PI15: variants seen among roughly 807,000 people sequenced by gnomAD.
The protein encoded by PI15 is 25 kDa trypsin inhibitor.
Under a neutral mutation model 31.0 loss-of-function variants are expected in PI15, and 18 were observed. That is an observed-to-expected ratio of 0.58 (90% CI 0.40 to 0.86). The LOEUF is 0.86. Ranked by LOEUF, PI15 falls within the 40% of genes least tolerant of loss-of-function variation. The pLI, the probability that PI15 is intolerant of heterozygous loss-of-function variation, is 0.00. For synonymous variants in PI15, 118 were observed against 119.1 expected, an observed-to-expected ratio of 0.99 and a Z score of 0.06; for missense variants, 282 against 328.1, an observed-to-expected ratio of 0.86 and a Z score of 1.09.
chr8:74,846,790 C>T (rs183614816), intron 5 of PI15, among the ~76,000 whole-genome samples: 11 of 147,282 alleles, frequency 7.5e-5, no homozygotes, highest in Middle Eastern at 3.5e-3. Context: ...AAAAGAGAGA[C>T]GGAGAGAGAG....
intron 2 of PI15, among the ~76,000 whole-genome samples, chr8:74,842,247 A>G (rs1209057760): frequency 6.6e-6 from 1 of 152,138 alleles, no homozygotes; most frequent in African/African-American, 2.4e-5. Context: ...GACAAAAAAG[A>G]TCAATAGGAC....
chr8:74,852,343 G>A lies in PI15; in HGVS notation c.*3090G>A, dbSNP rs1218574627. On this transcript the variant is annotated 3_prime_UTR_variant, in exon 6 of 6. Coordinates refer to ENST00000260113, the MANE Select transcript of PI15 (RefSeq NM_015886.5). ...TTATAATTTTAGAATTAAACTGATGGATTTCATTATAGAATTATCTGTGAG... is the reference window on the plus strand; with the variant it reads ...TTATAATTTTAGAATTAAACTGATGAATTTCATTATAGAATTATCTGTGAG... The A allele has an allele frequency of 6.6e-6, 1 of 151,944 alleles. No individual in the cohort carries two copies. The highest frequency in any genetic ancestry group is 1.5e-5 in the Non-Finnish European group (1 of 67,934). 9.4% of individuals were successfully genotyped at this position (151,944 alleles called of 1,614,324 possible). A position where few individuals can be genotyped will look rare whatever the true frequency, so the allele number is the denominator to read the frequency against.
chr8:74,825,036 A>G (rs769697172), intron 1 of PI15, 174 bp from the exon 2 acceptor site: 31 of 618,104 alleles, frequency 5.0e-5, no homozygotes, highest in Non-Finnish European at 7.8e-5. Context: ...TCATGACACT[A>G]AAAAATGAAT....
At chr8:74,844,484 C>T (rs919407432) in intron 3 of PI15, among the ~76,000 whole-genome samples, 1 of 149,298 alleles carries the variant, frequency 6.7e-6, no homozygotes, top group Non-Finnish European at 1.5e-5. Flanking sequence ...CATATGAGTG[C>T]AACTTTCCCA....
intron 2 of PI15, among the ~76,000 whole-genome samples, chr8:74,841,308 G>A (rs983683970): frequency 1.4e-4 from 21 of 152,134 alleles, no homozygotes; most frequent in African/African-American, 5.1e-4. Flanking sequence ...GGTCTTCCTT[G>A]CTCTGATGCT....
chr8:74,845,304 A>C lies in PI15; in HGVS notation c.525+44A>C, dbSNP rs1216287460. The C allele has an allele frequency of 1.9e-6, 3 of 1,595,862 alleles. No individual in the cohort carries two copies. In the African/African-American group the frequency reaches 4.0e-5, roughly 21 times the overall value. ...TTAATTTTTGATTCATACTTTTAAA[A>C]TATGCTAATACTATTTTGGTGGACA... On this transcript the variant is annotated intron_variant, in intron 4 of 5. Coordinates refer to ENST00000260113, the MANE Select transcript of PI15 (RefSeq NM_015886.5).
At chr8:74,848,639 C>A (rs1052301207) in intron 5 of PI15, among the ~76,000 whole-genome samples, 2 of 150,022 alleles carry the variant, frequency 1.3e-5, no homozygotes, top group African/African-American at 2.4e-5. Context: ...GCGTTGTAGG[C>A]ATTCACTTCT....
intron 2 of PI15, among the ~76,000 whole-genome samples, chr8:74,829,325 C>G (rs1485721941): frequency 6.6e-6 from 1 of 151,996 alleles, no homozygotes; most frequent in East Asian, 1.9e-4. Context: ...TTAAAATTTG[C>G]AAGTAAAACT....
chr8:74,825,595 A>C, intron 2 of PI15, 73 bp downstream of exon 2: 74 of 1,236,620 alleles, frequency 6.0e-5, no homozygotes, highest in Non-Finnish European at 7.8e-5. Context: ...GCAGAATCTC[A>C]AACGACCACG....
chr8:74,842,877 A>C (rs572955313), intron 2 of PI15, among the ~76,000 whole-genome samples: 4 of 152,302 alleles, frequency 2.6e-5, no homozygotes, highest in African/African-American at 7.2e-5. Flanking sequence ...ATTTAATTGA[A>C]CCATGAAGTA....
Position 74,851,542 on chromosome 8 carries a change from CTT to C in PI15, c.*2290_*2291del, listed in dbSNP as rs1250400243. Reference sequence around the variant, plus strand: ...AAATTATCATTAATAATATAAAACACTTATTTGAGATTAAATTAAATTTTTCA... The same window carrying C: ...AAATTATCATTAATAATATAAAACACATTTGAGATTAAATTAAATTTTTCA... On this transcript the variant is annotated 3_prime_UTR_variant, in exon 6 of 6. Coordinates refer to ENST00000260113, the MANE Select transcript of PI15 (RefSeq NM_015886.5). 2 of 152,042 alleles carry C rather than the reference CTT, an allele frequency of 1.3e-5. No homozygotes were observed. The highest frequency in any genetic ancestry group is 4.1e-4 in the South Asian group (2 of 4,822). The allele number at this position is 152,042 out of a possible 1,614,324, so 9.4% of individuals were successfully genotyped here. A position where few individuals can be genotyped will look rare whatever the true frequency, so the allele number is the denominator to read the frequency against.
chr8:74,849,916 C>T lies in PI15; in HGVS notation c.*663C>T, dbSNP rs1371205029. On this transcript the variant is annotated 3_prime_UTR_variant, in exon 6 of 6. Coordinates refer to ENST00000260113, the MANE Select transcript of PI15 (RefSeq NM_015886.5). ...TGCCAACTTATATAAGTTCTCAAAT[C>T]ATGCCTTCCGCTTAGTCTCATTTTA... The T allele has an allele frequency of 6.6e-6, 1 of 152,156 alleles. No individual in the cohort carries two copies. The highest frequency in any genetic ancestry group is 2.4e-5 in the African/African-American group (1 of 41,448). The allele number at this position is 152,156 out of a possible 1,614,324, so 9.4% of individuals were successfully genotyped here.
At chr8:74,838,303 A>T (rs1393164146) in intron 2 of PI15, among the ~76,000 whole-genome samples, 1 of 152,138 alleles carries the variant, frequency 6.6e-6, no homozygotes, top group Non-Finnish European at 1.5e-5. Context: ...TTGAAAATGT[A>T]GGACTAACAT....
At chr8:74,845,763 T>C (rs1329220218) in intron 5 of PI15, 1 of 411,658 alleles carries the variant, frequency 2.4e-6, no homozygotes, top group African/African-American at 2.0e-5. Flanking sequence ...GTTTTAATTA[T>C]GGCAATTGTA....
intron 2 of PI15, among the ~76,000 whole-genome samples, chr8:74,842,473 T>G (rs1005688436): frequency 1.3e-5 from 2 of 152,172 alleles, no homozygotes; most frequent in Non-Finnish European, 2.9e-5. Flanking sequence ...AATTTTAAAA[T>G]AATTATTTTC....
intron 2 of PI15, among the ~76,000 whole-genome samples, chr8:74,835,468 A>T (rs528138068): frequency 2.2e-4 from 33 of 152,306 alleles, no homozygotes; most frequent in African/African-American, 7.9e-4. Context: ...ATGGTTCAGG[A>T]TTCCAAACCA....
chr8:74,829,152 T>C (rs1039903337), intron 2 of PI15, among the ~76,000 whole-genome samples: 4 of 152,124 alleles, frequency 2.6e-5, no homozygotes, highest in Non-Finnish European at 4.4e-5. Flanking sequence ...TTTGTTGAAT[T>C]TAGATGAAAT....
At position 74,825,469 on chromosome 8, in the gene PI15, C is replaced by A. The variant is rs958216884; in HGVS notation, c.220C>A (p.His74Asn). ...QNDMIAILDY[H>N]NQVRGKVFPP... ...TGACATGATCGCCATTCTTGATTAT[C>A]ATAATCAAGTTCGGGGCAAAGTGTT... The change falls in exon 2 of 6, where the codon CAT (histidine) becomes AAT (asparagine). Residue 74 changes from histidine (H) to asparagine (N), a missense_variant. Transcript: ENST00000260113. 8.7e-6 allele frequency: 14 copies of A among 1,611,818 alleles called. No individual in the cohort carries two copies. The highest frequency in any genetic ancestry group is 1.2e-5 in the Non-Finnish European group (14 of 1,178,430).
At chr8:74,825,557 G>C (rs766088670) in intron 2 of PI15, 35 bp downstream of exon 2, 7 of 1,529,190 alleles carry the variant, frequency 4.6e-6, no homozygotes, top group Non-Finnish European at 6.2e-6. Context: ...TTTAAGTTCT[G>C]AGTGAGAAAG....
Sources: gnomAD v4.1 joint callset for allele counts (sites outside exome capture counted in the v4.1 genomes callset) on GRCh38, gnomAD v4.1.1 for gene constraint, MANE v1.5 for transcripts, NCBI Gene and HGNC (gene_info 2026-07-23, HGNC 2026-07-21) for gene names.